Variants in ATRNL1 observed in about 807,000 individuals in gnomAD.
The protein encoded by ATRNL1 is attractin-like protein 1.
In ATRNL1, 95 loss-of-function variants were observed where a neutral mutation model predicts 182.7. The ratio of observed to expected loss-of-function variants is 0.52; its 90% CI spans 0.44 to 0.62. The LOEUF is 0.62. Among genes scored for constraint, ATRNL1 ranks in the 20% least tolerant of loss-of-function variants. ATRNL1 has a pLI of 0.00. For synonymous variants in ATRNL1, 576 were observed against 568.3 expected (o/e 1.01, Z -0.19); for missense variants, 1,471 against 1,679.5 (o/e 0.88, Z 2.17).
At chr10:115,411,069 T>G (rs1554959805) in intron 20 of ATRNL1, among the ~76,000 whole-genome samples, 1 of 152,094 alleles carries the variant, frequency 6.6e-6, no homozygotes, top group African/African-American at 2.4e-5. Flanking sequence ...AAATGCAAAA[T>G]TATTTAGCAG....
chr10:115,604,948 A>G (rs1555017160), intron 26 of ATRNL1, among the ~76,000 whole-genome samples: 1 of 152,152 alleles, frequency 6.6e-6, no homozygotes. Flanking sequence ...ATGTTACCAA[A>G]GATATTTATC....
At chr10:115,933,803 A>G (rs1953475414) in intron 28 of ATRNL1, among the ~76,000 whole-genome samples, 1 of 152,138 alleles carries the variant, frequency 6.6e-6, no homozygotes, top group Non-Finnish European at 1.5e-5. Flanking sequence ...GGACAATCTC[A>G]TTCCTGGTTT....
At chr10:115,576,733 A>G (rs2769376) in intron 26 of ATRNL1, among the ~76,000 whole-genome samples, 147,863 of 152,054 alleles carry the variant, frequency 0.97, 72,058 homozygotes, top group East Asian at 1. Context: ...AAGTAACTTA[A>G]TATGATATAG....
At chr10:115,859,238 A>C (rs1380088187) in intron 28 of ATRNL1, among the ~76,000 whole-genome samples, 32 of 152,052 alleles carry the variant, frequency 2.1e-4, no homozygotes, top group Non-Finnish European at 1.5e-5. Context: ...CATTCAGGCC[A>C]TAGCAGGCTT....
intron 26 of ATRNL1, among the ~76,000 whole-genome samples, chr10:115,612,535 G>A (rs782185341): frequency 6.6e-6 from 1 of 152,208 alleles, no homozygotes; most frequent in South Asian, 2.1e-4. Flanking sequence ...AAAAGTGAAC[G>A]TAATTCGTTT....
At chr10:115,261,005 T>G (rs1851368962) in intron 10 of ATRNL1, among the ~76,000 whole-genome samples, 1 of 151,894 alleles carries the variant, frequency 6.6e-6, no homozygotes, top group Non-Finnish European at 1.5e-5. Context: ...ATTTTAAGAC[T>G]AAAAGAGCCT....
chr10:115,612,881 C>T (rs545028020), intron 26 of ATRNL1, among the ~76,000 whole-genome samples: 2 of 152,272 alleles, frequency 1.3e-5, no homozygotes, highest in South Asian at 4.1e-4. Context: ...ATCCTGACAA[C>T]TTTCACATTT....
chr10:115,863,158 T>C (rs1951354467), intron 28 of ATRNL1, among the ~76,000 whole-genome samples: 1 of 152,156 alleles, frequency 6.6e-6, no homozygotes, highest in Non-Finnish European at 1.5e-5. Context: ...CTTTTGTATA[T>C]AACTCTGACC....
intron 18 of ATRNL1, among the ~76,000 whole-genome samples, chr10:115,327,707 C>T (rs868932302): frequency 1.3e-5 from 2 of 151,046 alleles, no homozygotes; most frequent in Admixed American, 6.6e-5. Flanking sequence ...CAATGATAGA[C>T]TGGATTAAGA....
chr10:115,807,610 A>G (rs1363249909), intron 27 of ATRNL1, among the ~76,000 whole-genome samples: 6 of 152,230 alleles, frequency 3.9e-5, no homozygotes, highest in African/African-American at 1.2e-4. Flanking sequence ...CCTCAACCAC[A>G]TTGAAAGGGT....
At position 115,389,366 on chromosome 10, in the gene ATRNL1, G is replaced by A. The variant is rs537841414; in HGVS notation, c.3176-5293G>A. Among the ~76,000 whole-genome samples, 13 of 150,602 alleles carry A rather than the reference G, an allele frequency of 8.6e-5. No individual in the cohort carries two copies. The South Asian group carries it at 2.7e-3, about 32-fold the overall frequency. On this transcript the variant is annotated intron_variant, in intron 19 of 28. Transcript: ENST00000355044. ...CTAAATATACAAAAATTAGCCAGGC[G>A]GGCATTAGTGGTGGTGGGTGCTTGT... is the stretch of plus-strand genomic sequence containing the variant.
chr10:115,494,348 G>A (rs1554977531), intron 24 of ATRNL1, among the ~76,000 whole-genome samples: 1 of 152,074 alleles, frequency 6.6e-6, no homozygotes, highest in Non-Finnish European at 1.5e-5. Context: ...CCTGATTGCT[G>A]TGGCCAGGAC....
intron 21 of ATRNL1, among the ~76,000 whole-genome samples, chr10:115,442,271 C>T (rs1445883364): frequency 1.8e-5 from 1 of 54,384 alleles, no homozygotes; most frequent in Non-Finnish European, 3.6e-5. Flanking sequence ...TTTGTGTTTG[C>T]TCTCTCTCTC....
intron 26 of ATRNL1, among the ~76,000 whole-genome samples, chr10:115,593,384 C>A (rs945293563): frequency 6.6e-6 from 1 of 152,126 alleles, no homozygotes; most frequent in South Asian, 2.1e-4. Flanking sequence ...GGTATTGGCA[C>A]AAAAGCAGAA....
intron 21 of ATRNL1, among the ~76,000 whole-genome samples, chr10:115,452,865 C>T (rs1188650168): frequency 6.6e-6 from 1 of 152,036 alleles, no homozygotes; most frequent in Non-Finnish European, 1.5e-5. Context: ...CCTATCCCAG[C>T]ACCTGGTAAC....
intron 25 of ATRNL1, among the ~76,000 whole-genome samples, chr10:115,534,093 G>A (rs1319143233): frequency 1.3e-5 from 2 of 151,360 alleles, no homozygotes; most frequent in African/African-American, 4.9e-5. Flanking sequence ...GATTTGGGAT[G>A]GAGAGTTCTG....
At chr10:115,937,425 G>A (rs1042653701) in intron 28 of ATRNL1, among the ~76,000 whole-genome samples, 1 of 152,112 alleles carries the variant, frequency 6.6e-6, no homozygotes, top group Non-Finnish European at 1.5e-5. Context: ...TTCGGCACTT[G>A]AAGTTTTTCC....
chr10:115,894,559 T>C (rs1471408962), intron 28 of ATRNL1, among the ~76,000 whole-genome samples: 2 of 152,160 alleles, frequency 1.3e-5, no homozygotes, highest in African/African-American at 4.8e-5. Flanking sequence ...GGAATATTAG[T>C]TTTTGAAATT....
intron 19 of ATRNL1, among the ~76,000 whole-genome samples, chr10:115,339,170 T>A (rs1437330195): frequency 6.6e-6 from 1 of 152,172 alleles, no homozygotes; most frequent in Non-Finnish European, 1.5e-5. Flanking sequence ...CCTTCAGTTC[T>A]TTTTGCTTTG....
Sources: allele counts gnomAD v4.1 joint callset (sites outside exome capture counted in the v4.1 genomes callset), GRCh38; gene constraint gnomAD v4.1.1; transcripts MANE v1.5; gene names NCBI Gene and HGNC (gene_info 2026-07-23, HGNC 2026-07-21).